The following DGKH variants were observed in gnomAD, a reference collection of about 807,000 sequenced individuals.
DGKH encodes the protein DAG kinase eta.
In DGKH, 90 loss-of-function variants were observed where a neutral mutation model predicts 159.3. That is an observed-to-expected ratio of 0.57 (90% CI 0.48 to 0.67). The LOEUF (loss-of-function observed/expected upper bound fraction) is 0.67. Among genes scored for constraint, DGKH ranks in the 30% least tolerant of loss-of-function variants. The probability of loss-of-function intolerance (pLI) is 0.00; values close to 1 mark genes in which losing one functional copy is unlikely to be tolerated. For missense variants in DGKH, 1,181 were observed against 1,506.1 expected, an observed-to-expected ratio of 0.78 and a Z score of 3.57; for synonymous variants, 536 against 553.8, an observed-to-expected ratio of 0.97 and a Z score of 0.45.
At chr13:42,191,698 CTTG>C (rs893068205) in intron 16 of DGKH, among the ~76,000 whole-genome samples, 16 of 151,930 alleles carry the variant, frequency 1.1e-4, no homozygotes, top group Non-Finnish European at 1.9e-4. Flanking sequence ...TGAAACATCT[CTTG>C]TTAACTATGA....
At chr13:42,077,288 A>G (rs1170816045) in intron 1 of DGKH, among the ~76,000 whole-genome samples, 4 of 152,004 alleles carry the variant, frequency 2.6e-5, no homozygotes, top group African/African-American at 7.2e-5. Context: ...GATGTGGTTT[A>G]GATCTCCACT....
intron 29 of DGKH, 33 bp from the exon 30 acceptor site, chr13:42,229,066 T>A (rs1958222268): frequency 6.4e-7 from 1 of 1,554,674 alleles, no homozygotes; most frequent in African/African-American, 1.4e-5. Context: ...TCATTTTTAA[T>A]TATTTCTACC....
intron 14 of DGKH, among the ~76,000 whole-genome samples, 187 bp from the exon 15 acceptor site, chr13:42,188,849 C>T (rs1956991935): frequency 6.6e-6 from 1 of 152,170 alleles, no homozygotes; most frequent in South Asian, 2.1e-4. Flanking sequence ...TCTATCTCTA[C>T]TAAATGGAGA....
chr13:42,103,120 T>C (rs1247907419), intron 1 of DGKH, among the ~76,000 whole-genome samples: 1 of 152,116 alleles, frequency 6.6e-6, no homozygotes, highest in Admixed American at 6.5e-5. Flanking sequence ...ATCAGGAGAT[T>C]GTTGTATATT....
At position 42,218,024 on chromosome 13, in the gene DGKH, G is replaced by A. The variant is rs905661809; in HGVS notation, c.3214-1206G>A. Among the ~76,000 whole-genome samples, 5 of 152,210 alleles carry A rather than the reference G, an allele frequency of 3.3e-5. 1 individual carries two copies. The highest frequency in any genetic ancestry group is 3.3e-4 in the Admixed American group (5 of 15,272). ...ACTTCCAGCCTGGGCAACAGAACAAGACTCTGTCTCAAATCATCATCATCA... is the reference window on the plus strand; with the variant it reads ...ACTTCCAGCCTGGGCAACAGAACAAAACTCTGTCTCAAATCATCATCATCA... On this transcript the variant is annotated intron_variant, in intron 26 of 29. Transcript: ENST00000337343.
rs60521889 is a variant in DGKH at position 42,207,078 on chromosome 13, T to C, written c.2601+932T>C. 2.2e-3 allele frequency among the ~76,000 whole-genome samples: 273 copies of C among 122,818 alleles called. 77 individuals are homozygous for C. Among genetic ancestry groups the C allele is most frequent in the Middle Eastern group, 0.014 (4 of 280 alleles). 80.6% of individuals were successfully genotyped at this position (122,818 alleles called of 152,430 possible). A position where few individuals can be genotyped will look rare whatever the true frequency, so the allele number is the denominator to read the frequency against. ...CTTTCCTTCCTTCTTTCTTTCTTTC[T>C]TTCTTTCTTTCTTTCTTTCTTTCTT... On this transcript the variant is annotated intron_variant, in intron 21 of 29. Coordinates refer to ENST00000337343, the MANE Select transcript of DGKH (RefSeq NM_178009.5).
At chr13:42,251,788 G>T (rs1489786490) in intron 29 of DGKH, among the ~76,000 whole-genome samples, 1 of 152,116 alleles carries the variant, frequency 6.6e-6, no homozygotes, top group East Asian at 1.9e-4. Flanking sequence ...ATAATGCTTA[G>T]ATATTTTCAT....
At chr13:42,224,869 C>T (rs757106227) in intron 29 of DGKH, among the ~76,000 whole-genome samples, 5 of 150,916 alleles carry the variant, frequency 3.3e-5, no homozygotes, top group Non-Finnish European at 7.4e-5. Context: ...GACATAGTAA[C>T]ATGACAGTCT....
chr13:42,114,086 A>G (rs997914903), intron 1 of DGKH, among the ~76,000 whole-genome samples: 6 of 152,202 alleles, frequency 3.9e-5, no homozygotes, highest in African/African-American at 1.4e-4. Context: ...TCCTCTCCAC[A>G]AAGATAATAT....
chr13:42,045,414 T>G (rs1880743242), upstream of DGKH, among the ~76,000 whole-genome samples: 1 of 152,216 alleles, frequency 6.6e-6, no homozygotes, highest in Non-Finnish European at 1.5e-5. Context: ...GGAAAGAGTT[T>G]CAAAGGATAG....
intron 29 of DGKH, among the ~76,000 whole-genome samples, chr13:42,224,066 C>A (rs1394094366): frequency 6.6e-6 from 1 of 152,128 alleles, no homozygotes; most frequent in Admixed American, 6.6e-5. Flanking sequence ...CTGCAAAAGA[C>A]ATGTTTTCAT....
chr13:42,151,518 T>TATAC (rs1955888228), intron 3 of DGKH, among the ~76,000 whole-genome samples: 3 of 115,864 alleles, frequency 2.6e-5, no homozygotes, highest in African/African-American at 8.8e-5. Flanking sequence ...TACACATGTA[T>TATAC]ATATATACAC....
chr13:42,150,366 C>T (rs1955846997), intron 3 of DGKH, among the ~76,000 whole-genome samples: 1 of 152,124 alleles, frequency 6.6e-6, no homozygotes, highest in African/African-American at 2.4e-5. Context: ...TCTAGTATAA[C>T]AGGAGAAAGA....
intron 1 of DGKH, among the ~76,000 whole-genome samples, chr13:42,052,116 T>C (rs1373325196): frequency 6.6e-6 from 1 of 152,230 alleles, no homozygotes; most frequent in Non-Finnish European, 1.5e-5. Flanking sequence ...TGGGTTGTTT[T>C]AGGACAATGC....
At chr13:42,159,244 C>CTATTTTTTTTTTTTTTTTTTTTTTTTTT (rs1956115543) in intron 5 of DGKH, 22 bp from the exon 6 acceptor site, 3 of 215,498 alleles carry the variant, frequency 1.4e-5, no homozygotes, top group Non-Finnish European at 2.4e-5. Flanking sequence ...AGCAGTTGCT[C>CTATTTTTTTTTTTTTTTTTTTTTTTTTT]TTTTTTTTTT....
chr13:42,244,887 G>A (rs11839456), downstream of DGKH, among the ~76,000 whole-genome samples: 1,508 of 106,848 alleles, frequency 0.014, 19 homozygotes, highest in African/African-American at 0.048. Flanking sequence ...CTGGGCGACA[G>A]AGCGAGACTC....
Position 42,219,728 on chromosome 13 carries a change from G to A in DGKH, c.3376G>A (p.Val1126Ile), listed in dbSNP as rs767129205. The change falls in exon 28 of 30, where the codon GTA (valine) becomes ATA (isoleucine). Residue 1126 changes from valine (V) to isoleucine (I), a missense_variant. Coordinates refer to ENST00000337343, the MANE Select transcript of DGKH (RefSeq NM_178009.5). Reference protein sequence around the residue: ...DCTKRNNRSTVFRIVPKFKKE... With the variant: ...DCTKRNNRSTIFRIVPKFKKE... Reference sequence around the variant, plus strand: ...CACCAAAAGGAACAACAGAAGCACCGTATTTCGAATAGTGCCAAAGTTTAA... The same window carrying A: ...CACCAAAAGGAACAACAGAAGCACCATATTTCGAATAGTGCCAAAGTTTAA... 47 of 1,613,644 alleles carry A rather than the reference G, an allele frequency of 2.9e-5. No individual in the cohort carries two copies. Among genetic ancestry groups the A allele is most frequent in the South Asian group, 1.6e-4 (15 of 91,052 alleles).
intron 29 of DGKH, among the ~76,000 whole-genome samples, chr13:42,222,381 TA>T (rs1177668570): frequency 6.6e-6 from 1 of 152,174 alleles, no homozygotes; most frequent in Non-Finnish European, 1.5e-5. Context: ...AGATAATTGG[TA>T]GTATAAAGAT....
intron 26 of DGKH, 118 bp downstream of exon 26, chr13:42,215,785 C>T: frequency 3.6e-6 from 3 of 831,056 alleles, no homozygotes; most frequent in South Asian, 1.9e-5. Context: ...TGGCTTCCAT[C>T]CTGAGAGCTG....
Sources: allele counts gnomAD v4.1 joint callset (sites outside exome capture counted in the v4.1 genomes callset), GRCh38; gene constraint gnomAD v4.1.1; transcripts MANE v1.5; gene names NCBI Gene and HGNC (gene_info 2026-07-23, HGNC 2026-07-21).